The following SIMC1 variants were observed in gnomAD, a reference collection of about 807,000 sequenced individuals.
SIMC1 encodes SUMO interacting motifs containing 1.
Under a neutral mutation model 82.3 loss-of-function variants are expected in SIMC1, and 55 were observed. The observed-to-expected ratio is 0.67, with a 90% CI of 0.54 to 0.84. The LOEUF (loss-of-function observed/expected upper bound fraction) is 0.84. SIMC1 is among the 40% of genes least tolerant of loss of function. SIMC1 has a pLI of 0.00. For missense variants in SIMC1, 915 were observed against 1,107.2 expected (o/e 0.83, Z 2.46); for synonymous variants, 353 against 426.3 (o/e 0.83, Z 2.12).
chr5:176,252,123 G>A (rs973817095), intron 1 of SIMC1, among the ~76,000 whole-genome samples: 2 of 149,924 alleles, frequency 1.3e-5, no homozygotes, highest in African/African-American at 2.5e-5. Flanking sequence ...GGTGGTGGCC[G>A]GGCAGAGGGG....
intron 4 of SIMC1, among the ~76,000 whole-genome samples, chr5:176,306,971 A>C (rs1251543842): frequency 6.6e-6 from 1 of 152,134 alleles, no homozygotes; most frequent in Non-Finnish European, 1.5e-5. Flanking sequence ...CAAATGAATA[A>C]CCCAATTTAA....
chr5:176,276,897 G>A (rs768596469), intron 1 of SIMC1, among the ~76,000 whole-genome samples: 8,730 of 149,580 alleles, frequency 0.058, 465 homozygotes, highest in African/African-American at 0.11. Flanking sequence ...GAATAATGCC[G>A]CAGTAAACAT....
At chr5:176,319,153 T>C (rs1765048133) in intron 5 of SIMC1, among the ~76,000 whole-genome samples, 1 of 152,066 alleles carries the variant, frequency 6.6e-6, no homozygotes, top group Non-Finnish European at 1.5e-5. Flanking sequence ...TACTGATTCT[T>C]TGTATGTGCC....
At chr5:176,253,003 G>T (rs1761733691) in intron 1 of SIMC1, among the ~76,000 whole-genome samples, 1 of 152,182 alleles carries the variant, frequency 6.6e-6, no homozygotes, top group African/African-American at 2.4e-5. Flanking sequence ...AGTCAGGCGT[G>T]GCGCGCGCGC....
At chr5:176,303,325 AT>A (rs374155075) in intron 4 of SIMC1, among the ~76,000 whole-genome samples, 2,559 of 123,134 alleles carry the variant, frequency 0.021, 49 homozygotes, top group African/African-American at 0.064. Context: ...AGCCAAAGCA[AT>A]TTTTTTTTTT....
intron 1 of SIMC1, chr5:176,260,941 C>G (rs1761991985): frequency 1.3e-5 from 2 of 152,178 alleles, no homozygotes; most frequent in African/African-American, 4.8e-5. Context: ...CAGGTGAACT[C>G]AAATTTAGTG....
intron 1 of SIMC1, among the ~76,000 whole-genome samples, chr5:176,276,278 C>T (rs1373689856): frequency 6.6e-6 from 1 of 151,568 alleles, no homozygotes; most frequent in East Asian, 1.9e-4. Context: ...TTGTAGTATT[C>T]TCTGATGGTA....
chr5:176,264,220 C>T lies in SIMC1; in HGVS notation c.130-25434C>T, dbSNP rs4046126. ...TACAACCTGCTGGTGGCTCTACCAC[C>T]CTCAGCTCTGGAGGGCAGCAGCCTT... On this transcript the variant is annotated intron_variant, in intron 1 of 9. Transcript: ENST00000429602. Among the ~76,000 whole-genome samples, 554 of 152,362 alleles carry T rather than the reference C, an allele frequency of 3.6e-3. 3 individuals carry two copies. The highest frequency in any genetic ancestry group is 0.013 in the African/African-American group (526 of 41,576).
intron 7 of SIMC1, among the ~76,000 whole-genome samples, chr5:176,329,537 C>T (rs531349477): frequency 6.7e-6 from 1 of 149,988 alleles, no homozygotes; most frequent in South Asian, 2.1e-4. Context: ...ATTCCATCAT[C>T]ACAAGGATTC....
intron 2 of SIMC1, among the ~76,000 whole-genome samples, chr5:176,293,164 G>A (rs1177742932): frequency 6.6e-6 from 1 of 152,110 alleles, no homozygotes; most frequent in African/African-American, 2.4e-5. Flanking sequence ...AGTGCTGGGC[G>A]CAGTGGCTCA....
At chr5:176,254,156 G>A (rs1022536094) in intron 1 of SIMC1, among the ~76,000 whole-genome samples, 1 of 152,012 alleles carries the variant, frequency 6.6e-6, no homozygotes, top group Non-Finnish European at 1.5e-5. Context: ...GTTGTATTAG[G>A]GATGTTGCCA....
intron 4 of SIMC1, chr5:176,308,049 T>A: frequency 2.8e-6 from 2 of 704,284 alleles, no homozygotes; most frequent in South Asian, 3.0e-5. Context: ...TTAAAAGCAA[T>A]GAGCTGGGCC....
intron 7 of SIMC1, among the ~76,000 whole-genome samples, chr5:176,328,334 G>C (rs1235916748): frequency 1.3e-5 from 2 of 151,938 alleles, no homozygotes. Flanking sequence ...AAGAAACAAA[G>C]TTAAGGTAAG....
At chr5:176,255,597 TA>T (rs1561673368) in intron 1 of SIMC1, among the ~76,000 whole-genome samples, 1 of 117,054 alleles carries the variant, frequency 8.5e-6, no homozygotes, top group Non-Finnish European at 1.8e-5. Context: ...TTTTTTTTTT[TA>T]AAGAAAAAGA....
chr5:176,249,412 G>A (rs1191141082), intron 1 of SIMC1, among the ~76,000 whole-genome samples: 1 of 152,090 alleles, frequency 6.6e-6, no homozygotes, highest in African/African-American at 2.4e-5. Context: ...AGTCTTCTCT[G>A]ATGGTACTTT....
At chr5:176,324,000 A>C (rs180510) in intron 6 of SIMC1, among the ~76,000 whole-genome samples, 5 of 141,648 alleles carry the variant, frequency 3.5e-5, no homozygotes, top group African/African-American at 1.3e-4. Flanking sequence ...AAAAAAAAAA[A>C]AAAAAAAAAA....
chr5:176,246,603 A>G (rs916068201), intron 1 of SIMC1, among the ~76,000 whole-genome samples: 3 of 151,746 alleles, frequency 2.0e-5, no homozygotes, highest in Non-Finnish European at 4.4e-5. Context: ...ATGCCTAGCT[A>G]ATTTTTTATT....
intron 1 of SIMC1, among the ~76,000 whole-genome samples, chr5:176,262,840 AAT>A (rs886168907): frequency 6.6e-6 from 1 of 151,880 alleles, no homozygotes; most frequent in African/African-American, 2.4e-5. Context: ...GGAAGGAAGA[AAT>A]AAAATTGTCT....
At chr5:176,271,983 A>G (rs1393150074) in intron 1 of SIMC1, among the ~76,000 whole-genome samples, 1 of 145,014 alleles carries the variant, frequency 6.9e-6, no homozygotes, top group Non-Finnish European at 1.5e-5. Flanking sequence ...TATTATATAT[A>G]ACATAATATA....
Sources: gnomAD v4.1 joint callset for allele counts (sites outside exome capture counted in the v4.1 genomes callset) on GRCh38, gnomAD v4.1.1 for gene constraint, MANE v1.5 for transcripts, NCBI Gene and HGNC (gene_info 2026-07-23, HGNC 2026-07-21) for gene names.